The following EMP2 variants were observed in gnomAD, a reference collection of about 807,000 sequenced individuals.
The protein encoded by EMP2 is epithelial membrane protein 2.
A neutral mutation model predicts 13.7 loss-of-function variants in EMP2; 19 were observed. The ratio of observed to expected loss-of-function variants is 1.38; its 90% CI spans 0.97 to 2.03. The LOEUF (loss-of-function observed/expected upper bound fraction) is 2.03, where lower values mean the gene tolerates loss of function less well. Ranked by LOEUF, EMP2 falls within the 30% of genes most tolerant of loss-of-function variation. EMP2 has a pLI of 0.00. For synonymous variants in EMP2, 97 were observed against 84.7 expected, an observed-to-expected ratio of 1.15 and a Z score of -0.80; for missense variants, 253 against 220.7, an observed-to-expected ratio of 1.15 and a Z score of -0.93.
intron 2 of EMP2, chr16:10,545,949 C>T (rs2050735712): frequency 6.6e-6 from 1 of 152,282 alleles, no homozygotes; most frequent in Non-Finnish European, 1.5e-5. Context: ...GTGCTCATCT[C>T]CCCTGACAGG....
At chr16:10,572,048 A>T (rs1025411145) in intron 1 of EMP2, among the ~76,000 whole-genome samples, 1 of 152,238 alleles carries the variant, frequency 6.6e-6, no homozygotes, top group Non-Finnish European at 1.5e-5. Flanking sequence ...TCAAAACATC[A>T]TATCACCTGA....
chr16:10,575,153 C>T (rs2050973932), intron 1 of EMP2, among the ~76,000 whole-genome samples: 1 of 151,024 alleles, frequency 6.6e-6, no homozygotes, highest in South Asian at 2.1e-4. Context: ...TCCAACACTA[C>T]AGGCTTAAGG....
rs561134853 is a variant in EMP2 at position 10,535,516 on chromosome 16, C to T, written c.316+2412G>A. 1.2e-4 allele frequency among the ~76,000 whole-genome samples: 19 copies of T among 152,188 alleles called. No homozygotes were observed. The East Asian group carries it at 2.5e-3, about 20-fold the overall frequency. The stretch of plus-strand genomic sequence containing the variant: ...TTGAGAGGCTGACGCTGGCAGATTG[C>T]GAGACCAGCCTGCACAACATAGTGA... On this transcript the variant is annotated intron_variant, in intron 4 of 4. Transcript: ENST00000359543.
intron 1 of EMP2, among the ~76,000 whole-genome samples, chr16:10,565,299 G>C (rs939926402): frequency 5.3e-5 from 8 of 152,234 alleles, no homozygotes; most frequent in Admixed American, 4.6e-4. Context: ...TTTGGGATGA[G>C]ATTCACATTT....
intron 1 of EMP2, among the ~76,000 whole-genome samples, chr16:10,570,208 C>T (rs2050937462): frequency 6.6e-6 from 1 of 150,496 alleles, no homozygotes; most frequent in South Asian, 2.1e-4. Flanking sequence ...AGAAAGTGTC[C>T]CTGAAAAAAT....
At position 10,547,661 on chromosome 16, in the gene EMP2, G is replaced by T. The variant is rs370457205; in HGVS notation, c.-44C>A. On this transcript the variant is annotated 5_prime_UTR_variant, in exon 2 of 5. Coordinates refer to ENST00000359543, the MANE Select transcript of EMP2 (RefSeq NM_001424.6). ...GTCGAGGCGAGGGGTCACGTTTAAA[G>T]CCCAGAGCGGGATGTGCTGAAGAGG... 1.4e-5 allele frequency: 23 copies of T among 1,594,616 alleles called. No individual in the cohort carries two copies. The East Asian group carries it at 3.3e-4, about 23-fold the overall frequency.
intron 1 of EMP2, among the ~76,000 whole-genome samples, chr16:10,558,117 A>C (rs188984528): frequency 1.1e-4 from 16 of 151,826 alleles, no homozygotes; most frequent in Non-Finnish European, 1.9e-4. Context: ...GCAACCTCGA[A>C]CTTTTGGGCT....
rs147522251 is a variant in EMP2, at chr16:10,560,842, C to T, written c.-60-13165G>A. Among the ~76,000 whole-genome samples, 580 of 152,230 alleles carry T rather than the reference C, an allele frequency of 3.8e-3. 6 individuals are homozygous for T. Among genetic ancestry groups the T allele is most frequent in the South Asian group, 0.02 (97 of 4,826 alleles). ...GTGGCACACTTAGGAGAGCACGTTCCGGGCTGGGCCCCAAGATGGACCAGG... is the reference window on the plus strand; with the variant it reads ...GTGGCACACTTAGGAGAGCACGTTCTGGGCTGGGCCCCAAGATGGACCAGG... On this transcript the variant is annotated intron_variant, in intron 1 of 4. Coordinates refer to ENST00000359543, the MANE Select transcript of EMP2 (RefSeq NM_001424.6).
At chr16:10,579,698 A>G (rs1036527750) in intron 1 of EMP2, among the ~76,000 whole-genome samples, 5 of 122,566 alleles carry the variant, frequency 4.1e-5, no homozygotes, top group Non-Finnish European at 6.8e-5. Context: ...CTGAATTATA[A>G]GATCAAGGTG....
intron 2 of EMP2, among the ~76,000 whole-genome samples, 177 bp from the exon 3 acceptor site, chr16:10,543,837 G>A (rs530225174): frequency 1.1e-4 from 16 of 152,244 alleles, no homozygotes; most frequent in African/African-American, 3.9e-4. Context: ...GGTGGGGACT[G>A]GGATTCTGCA....
At chr16:10,579,115 G>T (rs556941627) in intron 1 of EMP2, among the ~76,000 whole-genome samples, 1 of 152,148 alleles carries the variant, frequency 6.6e-6, no homozygotes, top group Non-Finnish European at 1.5e-5. Context: ...CAGGGGTGAG[G>T]CTCCCAGGGA....
rs76471715 is a variant in EMP2 at position 10,531,831 on chromosome 16, G to A, written c.*1074C>T. The A allele has an allele frequency of 0.012, 1,904 of 154,912 alleles. 40 individuals are homozygous for A. Among genetic ancestry groups the A allele is most frequent in the African/African-American group, 0.043 (1,783 of 41,590 alleles). The allele number at this position is 154,912 out of a possible 1,614,324, so 9.6% of individuals were successfully genotyped here. On this transcript the variant is annotated 3_prime_UTR_variant, in exon 5 of 5. Coordinates refer to ENST00000359543, the MANE Select transcript of EMP2 (RefSeq NM_001424.6). ...TGAGGCTCTAGAAATAGGGGTGAGA[G>A]GCCAGCCAGGTGTAGCATGAAGGGC...
intron 1 of EMP2, among the ~76,000 whole-genome samples, chr16:10,570,696 C>A (rs2050941018): frequency 6.6e-6 from 1 of 152,060 alleles, no homozygotes; most frequent in African/African-American, 2.4e-5. Flanking sequence ...CCACATCTGG[C>A]TGGCTAATTT....
chr16:10,562,643 T>G (rs2050880944), intron 1 of EMP2, among the ~76,000 whole-genome samples: 4 of 152,196 alleles, frequency 2.6e-5, no homozygotes, highest in Admixed American at 2.6e-4. Context: ...CAGTGTTTTC[T>G]ATTTTAAGCC....
chr16:10,555,586 CT>C (rs1232162561), intron 1 of EMP2, among the ~76,000 whole-genome samples: 1 of 116,646 alleles, frequency 8.6e-6, no homozygotes, highest in African/African-American at 3.3e-5. Flanking sequence ...GAAGCAGTCA[CT>C]TTTTTTTTCT....
Position 10,565,308 on chromosome 16 carries a change from T to C in EMP2, c.-61+15241A>G, listed in dbSNP as rs1475586353. Among the ~76,000 whole-genome samples, 3 of 152,226 alleles carry C rather than the reference T, an allele frequency of 2.0e-5. No individual in the cohort carries two copies. The East Asian group carries it at 5.8e-4, about 29-fold the overall frequency. The stretch of plus-strand genomic sequence containing the variant: ...AGGTGCTTTGGGATGAGATTCACAT[T>C]TGAATCAGTGGACTCTGAGTCAAGC... On this transcript the variant is annotated intron_variant, in intron 1 of 4. Coordinates refer to ENST00000359543, the MANE Select transcript of EMP2 (RefSeq NM_001424.6).
At chr16:10,570,646 C>A (rs1259819218) in intron 1 of EMP2, among the ~76,000 whole-genome samples, 1 of 152,160 alleles carries the variant, frequency 6.6e-6, no homozygotes, top group Non-Finnish European at 1.5e-5. Flanking sequence ...GATCCACCCA[C>A]CTCGGCCTCC....
intron 1 of EMP2, among the ~76,000 whole-genome samples, chr16:10,575,533 C>T (rs1460718159): frequency 6.6e-6 from 1 of 151,844 alleles, no homozygotes; most frequent in Non-Finnish European, 1.5e-5. Flanking sequence ...GGATTACAGG[C>T]GTGAGGAGCT....
At chr16:10,559,430 C>T (rs1220656861) in intron 1 of EMP2, among the ~76,000 whole-genome samples, 2 of 152,220 alleles carry the variant, frequency 1.3e-5, no homozygotes, top group Non-Finnish European at 2.9e-5. Flanking sequence ...TGGCTCTCTC[C>T]GGAAATGGCA....
Sources: gnomAD v4.1 joint callset for allele counts (sites outside exome capture counted in the v4.1 genomes callset) on GRCh38, gnomAD v4.1.1 for gene constraint, MANE v1.5 for transcripts, NCBI Gene and HGNC (gene_info 2026-07-23, HGNC 2026-07-21) for gene names.